Variants in THSD7A observed in about 807,000 individuals in gnomAD.
THSD7A encodes the protein thrombospondin type 1 domain containing 7A.
THSD7A carries 96 observed loss-of-function variants against 231.3 expected under a neutral mutation model. That is an observed-to-expected ratio of 0.41 (90% CI 0.35 to 0.49). THSD7A has a LOEUF of 0.49. THSD7A is among the 20% of genes least tolerant of loss of function. The probability of loss-of-function intolerance (pLI) is 0.05; values close to 1 mark genes in which losing one functional copy is unlikely to be tolerated. For missense variants in THSD7A, 2,290 were observed against 2,070.2 expected (o/e 1.11, Z -2.06); for synonymous variants, 940 against 743.3 (o/e 1.26, Z -4.30).
intron 13 of THSD7A, among the ~76,000 whole-genome samples, chr7:11,432,418 A>G (rs1414628045): frequency 6.6e-6 from 1 of 152,116 alleles, no homozygotes; most frequent in Non-Finnish European, 1.5e-5. Context: ...AATTTCACTG[A>G]ACACACCCCT....
At chr7:11,419,158 C>G (rs1422275131) in intron 16 of THSD7A, among the ~76,000 whole-genome samples, 2 of 152,162 alleles carry the variant, frequency 1.3e-5, no homozygotes, top group African/African-American at 2.4e-5. Flanking sequence ...ATATCCAACA[C>G]TCTATTAAGC....
chr7:11,704,040 C>G (rs1438730935), intron 1 of THSD7A, among the ~76,000 whole-genome samples: 2 of 151,058 alleles, frequency 1.3e-5, no homozygotes, highest in Non-Finnish European at 3.0e-5. Context: ...GAAGCATACA[C>G]CAATCTTTAT....
intron 1 of THSD7A, among the ~76,000 whole-genome samples, chr7:11,680,533 G>C (rs906639782): frequency 6.6e-6 from 1 of 152,070 alleles, no homozygotes; most frequent in African/African-American, 2.4e-5. Context: ...ATCAAAAAGT[G>C]AGCAAATGAT....
Position 11,590,713 on chromosome 7 carries a change from T to C in THSD7A, c.1272-72A>G, listed in dbSNP as rs1184419308. 4.6e-5 allele frequency: 67 copies of C among 1,467,526 alleles called. No individual in the cohort carries two copies. Among genetic ancestry groups the C allele is most frequent in the Non-Finnish European group, 5.6e-5 (62 of 1,100,102 alleles). The allele number at this position is 1,467,526 out of a possible 1,614,324, so 90.9% of individuals were successfully genotyped here. A position where few individuals can be genotyped will look rare whatever the true frequency, so the allele number is the denominator to read the frequency against. ...CGTGTTTCTCTACTCCTGTCATACTTTGTTTTAACGAAAATTAGTCTCAAA... is the reference window on the plus strand; with the variant it reads ...CGTGTTTCTCTACTCCTGTCATACTCTGTTTTAACGAAAATTAGTCTCAAA... On this transcript the variant is annotated intron_variant, in intron 3 of 27. Transcript: ENST00000423059. This position sits in a 1 kb window ranked among gnomAD's most constrained non-coding sequence, Gnocchi z 4.4.
intron 13 of THSD7A, among the ~76,000 whole-genome samples, chr7:11,442,568 A>G (rs1464683643): frequency 6.6e-6 from 1 of 152,096 alleles, no homozygotes; most frequent in Non-Finnish European, 1.5e-5. Flanking sequence ...TTTGGCTGAA[A>G]GAAAGAAGTT....
At chr7:11,702,958 A>T (rs1172636945) in intron 1 of THSD7A, among the ~76,000 whole-genome samples, 1 of 151,248 alleles carries the variant, frequency 6.6e-6, no homozygotes, top group Non-Finnish European at 1.5e-5. Flanking sequence ...TAAGACAGAA[A>T]CTTATAATCA....
intron 22 of THSD7A, among the ~76,000 whole-genome samples, chr7:11,404,607 A>G (rs955219665): frequency 1.2e-4 from 19 of 152,172 alleles, no homozygotes; most frequent in African/African-American, 4.3e-4. Context: ...GATTTTATTG[A>G]ATTGTGTGTG....
intron 1 of THSD7A, among the ~76,000 whole-genome samples, chr7:11,815,254 T>A (rs1304832397): frequency 6.6e-6 from 1 of 151,832 alleles, no homozygotes; most frequent in Non-Finnish European, 1.5e-5. Flanking sequence ...TTTATGAGAT[T>A]TTTTTGTTTT....
chr7:11,755,089 T>C (rs1782629871), intron 1 of THSD7A, among the ~76,000 whole-genome samples: 1 of 152,064 alleles, frequency 6.6e-6, no homozygotes, highest in African/African-American at 2.4e-5. Context: ...GAGAAGCCAC[T>C]TGGCAACTTC....
chr7:11,592,505 T>C (rs1003024527), intron 3 of THSD7A, among the ~76,000 whole-genome samples: 3 of 152,216 alleles, frequency 2.0e-5, no homozygotes, highest in Non-Finnish European at 2.9e-5. Context: ...GAAATTATAT[T>C]TTAATACTGT....
In THSD7A at chr7:11,831,829, G is replaced by A. The variant is rs754710312; in HGVS notation, c.118C>T (p.Leu40=). The change falls in exon 1 of 28, where the codon CTA becomes TTA. Residue 40 remains leucine (L), a synonymous_variant. Transcript: ENST00000423059. This position sits in a 1 kb window ranked among gnomAD's most constrained non-coding sequence, Gnocchi z 5.0. Reference sequence around the variant, plus strand: ...GCAGCCCTGCCGGCGCCCGGGCGTAGCAGCAGCAGCAGGAGCAGCGGCAGC... The same window carrying A: ...GCAGCCCTGCCGGCGCCCGGGCGTAACAGCAGCAGCAGGAGCAGCGGCAGC... ...LPLPLLLLLL[L]RPGAGRAAAQ... is the part of the protein sequence containing the mutation. The A allele has an allele frequency of 7.1e-7, 1 of 1,413,594 alleles. No homozygotes were observed. Among genetic ancestry groups the A allele is most frequent in the South Asian group, 1.7e-5 (1 of 59,204 alleles). 87.6% of individuals were successfully genotyped at this position (1,413,594 alleles called of 1,614,324 possible).
intron 11 of THSD7A, among the ~76,000 whole-genome samples, chr7:11,452,136 A>G (rs1193991012): frequency 1.3e-5 from 2 of 152,012 alleles, no homozygotes; most frequent in African/African-American, 4.8e-5. Context: ...TCTGGGTAGC[A>G]TTAGAGACAG....
intron 6 of THSD7A, among the ~76,000 whole-genome samples, chr7:11,533,760 G>A (rs1583921262): frequency 6.6e-6 from 1 of 152,110 alleles, no homozygotes; most frequent in African/African-American, 2.4e-5. Context: ...GAGAGCATCA[G>A]CACAAACAGC....
intron 1 of THSD7A, among the ~76,000 whole-genome samples, chr7:11,830,680 A>C (rs1403590581): frequency 6.6e-6 from 1 of 152,212 alleles, no homozygotes; most frequent in Non-Finnish European, 1.5e-5. Context: ...TAAAAATTCC[A>C]GATATCGATA....
At chr7:11,810,250 GA>G (rs1259974838) in intron 1 of THSD7A, among the ~76,000 whole-genome samples, 2 of 152,172 alleles carry the variant, frequency 1.3e-5, no homozygotes, top group Non-Finnish European at 2.9e-5. Flanking sequence ...AAACCTTTCA[GA>G]TAGCTGTCTC....
intron 1 of THSD7A, among the ~76,000 whole-genome samples, chr7:11,733,074 T>C (rs1015219470): frequency 8.6e-5 from 13 of 151,868 alleles, no homozygotes; most frequent in Admixed American, 2.6e-4. Context: ...ATTTCTATTA[T>C]TTAGTCACCA....
chr7:11,815,020 G>A (rs1784635374), intron 1 of THSD7A, among the ~76,000 whole-genome samples: 2 of 151,698 alleles, frequency 1.3e-5, no homozygotes, highest in South Asian at 2.1e-4. Flanking sequence ...AAACATGGTT[G>A]CTCAGACACT....
intron 6 of THSD7A, among the ~76,000 whole-genome samples, chr7:11,503,741 A>G (rs940802701): frequency 6.6e-6 from 1 of 152,258 alleles, no homozygotes; most frequent in Non-Finnish European, 1.5e-5. Context: ...GAGAAATGCA[A>G]ATCAAAGCCA....
chr7:11,790,368 A>G (rs551193350), intron 1 of THSD7A, among the ~76,000 whole-genome samples: 1 of 151,890 alleles, frequency 6.6e-6, no homozygotes, highest in Non-Finnish European at 1.5e-5. Context: ...TTGTAGAGAG[A>G]TTTGCTGTGG....
Sources: gnomAD v4.1 joint callset for allele counts (sites outside exome capture counted in the v4.1 genomes callset) on GRCh38, gnomAD v4.1.1 for gene constraint, Gnocchi (gnomAD v3.1) non-coding constraint, MANE v1.5 for transcripts, NCBI Gene and HGNC (gene_info 2026-07-23, HGNC 2026-07-21) for gene names.